Variants in TNXB observed in about 807,000 individuals in gnomAD.
TNXB encodes tenascin XB.
In TNXB, 183 loss-of-function variants were observed where a neutral mutation model predicts 340.5. The observed-to-expected ratio is 0.54, with a 90% confidence interval of 0.48 to 0.61. The LOEUF (loss-of-function observed/expected upper bound fraction) is 0.61. TNXB is among the 20% of genes least tolerant of loss of function. The pLI is 0.00. For missense variants in TNXB, 4,613 were observed against 5,446.4 expected (o/e 0.85, Z 4.82); for synonymous variants, 2,121 against 2,314.5 (o/e 0.92, Z 2.40).
chr6:32,096,217 C>G lies in TNXB; in HGVS notation c.1636G>C (p.Asp546His). The change falls in exon 3 of 44, where the codon GAC (aspartate) becomes CAC (histidine). Residue 546 changes from aspartate (D) to histidine (H), a missense_variant. Coordinates refer to ENST00000644971, the MANE Select transcript of TNXB (RefSeq NM_001365276.2). Reference sequence around the variant, plus strand: ...CAGTCTTCCCCTGAGTAGCCTGCGTCACACACGCACACGCCATCCTCGCAA... The same window carrying G: ...CAGTCTTCCCCTGAGTAGCCTGCGTGACACACGCACACGCCATCCTCGCAA... ...GLCEDGVCVC[D>H]AGYSGEDCST... 1.9e-6 allele frequency: 3 copies of G among 1,568,466 alleles called. No individual in the cohort carries two copies. Among genetic ancestry groups the G allele is most frequent in the Non-Finnish European group, 2.6e-6 (3 of 1,160,296 alleles).
In TNXB at chr6:32,065,008, C is replaced by T; in HGVS notation, c.6654G>A (p.Glu2218=). 6.2e-7 allele frequency: 1 copy of T among 1,611,878 alleles called. No homozygotes were observed. The highest frequency in any genetic ancestry group is 1.1e-5 in the South Asian group (1 of 90,876). ...DSLSLSWTVP[E]GQFDHFLVQF... The stretch of plus-strand genomic sequence containing the variant: ...GGACCAAGAAATGGTCAAACTGGCC[C>T]TCGGGGACTGTCCAGGAGAGGCTGA... Residue 2218 remains glutamate (E), a synonymous_variant, in exon 19 of 44, where the codon GAG becomes GAA. Coordinates refer to ENST00000644971, the MANE Select transcript of TNXB (RefSeq NM_001365276.2).
In TNXB at chr6:32,096,156, C is replaced by T. The variant is rs1425189838; in HGVS notation, c.1697G>A (p.Arg566His). The T allele has an allele frequency of 8.8e-6, 14 of 1,585,206 alleles. No homozygotes were observed. The highest frequency in any genetic ancestry group is 1.2e-5 in the Non-Finnish European group (14 of 1,167,882). ...TRSCPGGCRG[R>H]GQCLDGRCVC... is the part of the protein sequence containing the mutation. ...ACACCGCCCATCTAGGCACTGGCCG[C>T]GGCCTCGGCAGCCCCCGGGGCAGCT... The change falls in exon 3 of 44, where the codon CGC (arginine) becomes CAC (histidine). Residue 566 changes from arginine (R) to histidine (H), a missense_variant. Coordinates refer to ENST00000644971, the MANE Select transcript of TNXB (RefSeq NM_001365276.2).
Position 32,096,010 on chromosome 6 carries a change from CCTCA to C in TNXB, c.1839_1842del (p.Ser613ArgfsTer93). On this transcript the variant is annotated frameshift_variant, in exon 3 of 44. Coordinates refer to ENST00000644971, the MANE Select transcript of TNXB (RefSeq NM_001365276.2). LOFTEE classifies it high-confidence loss of function. Reference sequence around the variant, plus strand: ...GAGGGGCAGGTGCGGATGCTGCAGTCCTCACTCACGTAGCCTTCCCAACAGATGC... The same window carrying C: ...GAGGGGCAGGTGCGGATGCTGCAGTCCTCACGTAGCCTTCCCAACAGATGC... 3.1e-6 allele frequency: 5 copies of C among 1,613,044 alleles called. No individual in the cohort carries two copies. The highest frequency in any genetic ancestry group is 4.2e-6 in the Non-Finnish European group (5 of 1,179,796).
rs571822296 is a variant in TNXB, at chr6:32,062,987, G to A, written c.6842-504C>T. Among the ~76,000 whole-genome samples the A allele has an allele frequency of 7.2e-5, 11 of 152,020 alleles. No homozygotes were observed. Among genetic ancestry groups the A allele is most frequent in the East Asian group, 5.8e-4 (3 of 5,150 alleles). On this transcript the variant is annotated intron_variant, in intron 19 of 43. Transcript: ENST00000644971. The surrounding 1 kb of genome is among the most constrained non-coding windows in gnomAD (Gnocchi z 4.3). ...GGAGAATGGCATGAACCCAGGAGGC[G>A]GAGCTTGCGGTGAGCCAAGATCACG...
Position 32,058,402 on chromosome 6 carries a change from T to G in TNXB, c.7493-12A>C. On this transcript the variant is annotated splice_polypyrimidine_tract_variant and intron_variant, in intron 21 of 43. Transcript: ENST00000644971. The surrounding 1 kb of genome is among the most constrained non-coding windows in gnomAD (Gnocchi z 5.1). ...ATCCTCTTGTGGGGCTGAAAGGTAA[T>G]ATAGGGGGATACAGAGTTTAAGGGT... 1 of 1,579,216 alleles carries G rather than the reference T, an allele frequency of 6.3e-7. No individual in the cohort carries two copies. Among genetic ancestry groups the G allele is most frequent in the Non-Finnish European group, 8.6e-7 (1 of 1,162,510 alleles).
chr6:32,067,068 C>G lies in TNXB; in HGVS notation c.6544+593G>C, dbSNP rs995652082. Among the ~76,000 whole-genome samples, 1 of 130,138 alleles carries G rather than the reference C, an allele frequency of 7.7e-6. No homozygotes were observed. The highest frequency in any genetic ancestry group is 8.7e-5 in the Admixed American group (1 of 11,558). 85.4% of individuals were successfully genotyped at this position (130,138 alleles called of 152,430 possible). ...TCTAGCCCAGGCGACAGAGTGAGAC[C>G]TTGTCTAAAAAGAAAGAAAGAAAAG... On this transcript the variant is annotated intron_variant, in intron 18 of 43. Transcript: ENST00000644971. This position sits in a 1 kb window ranked among gnomAD's most constrained non-coding sequence, Gnocchi z 4.2.
chr6:32,093,384 G>A (rs1021120456), intron 4 of TNXB: 61 of 702,052 alleles, frequency 8.7e-5, no homozygotes, highest in Middle Eastern at 6.9e-4. Context: ...TCTTGGTTGC[G>A]CCACGAAGTT....
intron 11 of TNXB, among the ~76,000 whole-genome samples, chr6:32,077,154 G>C (rs1779124672): frequency 6.6e-6 from 1 of 152,196 alleles, no homozygotes; most frequent in African/African-American, 2.4e-5. Flanking sequence ...GGGCCTCACA[G>C]AGCCCAGTGT....
chr6:32,054,772 GA>G (rs2151899038), intron 24 of TNXB, among the ~76,000 whole-genome samples: 1 of 152,186 alleles, frequency 6.6e-6, no homozygotes, highest in East Asian at 1.9e-4. Flanking sequence ...TTCCGCCTAT[GA>G]AAGAAAAAGG....
rs1040717797 is a variant in TNXB, at chr6:32,097,748, G to A, written c.403+48C>T. On this transcript the variant is annotated intron_variant, in intron 2 of 43. Transcript: ENST00000644971. This position sits in a 1 kb window ranked among gnomAD's most constrained non-coding sequence, Gnocchi z 5.9. ...CCAAGGACCTTTATGGACTAGCAAT[G>A]CCCACCCCACCCCACCTCTCCACCC... 1 of 1,488,234 alleles carries A rather than the reference G, an allele frequency of 6.7e-7. No homozygotes were observed. The highest frequency in any genetic ancestry group is 8.9e-7 in the Non-Finnish European group (1 of 1,118,562). The allele number at this position is 1,488,234 out of a possible 1,614,324, so 92.2% of individuals were successfully genotyped here.
chr6:32,100,987 G>A (rs1280243452), intron 1 of TNXB, among the ~76,000 whole-genome samples: 4 of 144,538 alleles, frequency 2.8e-5, no homozygotes, highest in South Asian at 2.2e-4. Context: ...GGCTGAGGAG[G>A]AGAATCGCTT....
Position 32,097,878 on chromosome 6 carries a change from T to C in TNXB, c.321A>G (p.Leu107=). 2 of 1,567,598 alleles carry C rather than the reference T, an allele frequency of 1.3e-6. No individual in the cohort carries two copies. The highest frequency in any genetic ancestry group is 1.2e-5 in the South Asian group (1 of 86,480). Residue 107 remains leucine, a synonymous_variant, in exon 2 of 44, where the codon CTA becomes CTG. Transcript: ENST00000644971. The surrounding 1 kb of genome is among the most constrained non-coding windows in gnomAD (Gnocchi z 5.9). ...ASEVQALRVR[L]EILEELVKGL... is the part of the protein sequence containing the mutation. ...CCTTCACCAACTCCTCCAGGATCTC[T>C]AGACGGACCCTCAGGGCCTGTACCT...
At chr6:32,101,719 C>T (rs933888361) in intron 1 of TNXB, among the ~76,000 whole-genome samples, 1 of 151,834 alleles carries the variant, frequency 6.6e-6, no homozygotes, top group Non-Finnish European at 1.5e-5. Context: ...GGCCACCACA[C>T]CCACCCTATT....
chr6:32,067,700 C>T lies in TNXB; in HGVS notation c.6505G>A (p.Gly2169Arg), dbSNP rs757858505. ...GCAGACACTGGGCCCACGCGCCGCC[C>T]CTCGTGGAGGCCGTACAGGTGCATC... ...YKMHLYGLHEGRRVGPVSAVG... is the reference protein window; with the variant it reads ...YKMHLYGLHERRRVGPVSAVG... Residue 2169 changes from glycine to arginine, a missense_variant, in exon 18 of 44, where the codon GGG becomes AGG. This residue lies in a region of TNXB where 4,327 missense variants were observed against 4,859.4 expected (regional missense o/e 0.89). Coordinates refer to ENST00000644971, the MANE Select transcript of TNXB (RefSeq NM_001365276.2). This position sits in a 1 kb window ranked among gnomAD's most constrained non-coding sequence, Gnocchi z 4.2. 16 of 1,613,728 alleles carry T rather than the reference C, an allele frequency of 9.9e-6. No homozygotes were observed. The Admixed American group carries it at 2.7e-4, about 27-fold the overall frequency.
chr6:32,048,039 G>A (rs536709390), intron 29 of TNXB, 27 bp from the exon 30 acceptor site: 1 of 1,591,250 alleles, frequency 6.3e-7, no homozygotes, highest in African/African-American at 1.3e-5. Flanking sequence ...GGTGCATGGA[G>A]AGTGGGATGG....
Position 32,073,849 on chromosome 6 carries a change from G to A in TNXB, c.4479C>T (p.Ser1493=). The A allele has an allele frequency of 6.2e-7, 1 of 1,611,874 alleles. No individual in the cohort carries two copies. The highest frequency in any genetic ancestry group is 8.5e-7 in the Non-Finnish European group (1 of 1,179,162). The change falls in exon 12 of 44, where the codon TCC becomes TCT. Residue 1493 remains serine (S), a synonymous_variant. Transcript: ENST00000644971. This position sits in a 1 kb window ranked among gnomAD's most constrained non-coding sequence, Gnocchi z 4.6. ...CAAACTGGCCCTCGGGGACTGTCCA[G>A]GAGAGGCCCACAGAGTTGGGGGTCA... is the stretch of plus-strand genomic sequence containing the variant. The part of the protein sequence containing the change: ...TDVTPNSVGL[S]WTVPEGQFDS...
In TNXB at chr6:32,097,158, A is replaced by C; in HGVS notation, c.695T>G (p.Val232Gly). 6.3e-7 allele frequency: 1 copy of C among 1,588,924 alleles called. No homozygotes were observed. The highest frequency in any genetic ancestry group is 1.1e-5 in the South Asian group (1 of 88,480). ...CQGRGRCVQG[V>G]CVCRAGFSGP... ...TGAGAAGCCTGCCCGGCACACACAC[A>C]CGCCCTGCACGCAGCGCCCACGGCC... Residue 232 changes from valine to glycine, a missense_variant, in exon 3 of 44, where the codon GTG becomes GGG. Physicochemically the swap from Val to Gly is moderately radical, Grantham distance 109. This residue lies in a region of TNXB where 4,327 missense variants were observed against 4,859.4 expected (regional missense o/e 0.89). Coordinates refer to ENST00000644971, the MANE Select transcript of TNXB (RefSeq NM_001365276.2). The surrounding 1 kb of genome is among the most constrained non-coding windows in gnomAD (Gnocchi z 5.9).
chr6:32,088,539 T>G (rs1217419997), intron 6 of TNXB, among the ~76,000 whole-genome samples: 1 of 148,540 alleles, frequency 6.7e-6, no homozygotes, highest in African/African-American at 2.5e-5. Flanking sequence ...TATTCACTTC[T>G]CTCCCTGGGG....
rs1778863019 is a variant in TNXB, at chr6:32,072,933, AAG to A, written c.4682-637_4682-636del. Among the ~76,000 whole-genome samples the A allele has an allele frequency of 6.6e-6, 1 of 152,258 alleles. No individual in the cohort carries two copies. The highest frequency in any genetic ancestry group is 2.4e-5 in the African/African-American group (1 of 41,470). The stretch of plus-strand genomic sequence containing the variant: ...GCCATTGCACTCCAGCCTGGATGAC[AAG>A]AGCAAAACTCCATCTCAAAAATAAA... On this transcript the variant is annotated intron_variant, in intron 12 of 43. Transcript: ENST00000644971. This position sits in a 1 kb window ranked among gnomAD's most constrained non-coding sequence, Gnocchi z 4.4.
Sources: gnomAD v4.1 joint callset for allele counts (sites outside exome capture counted in the v4.1 genomes callset) on GRCh38, gnomAD v4.1.1 for gene constraint, gnomAD v4.1.1 regional missense constraint, Gnocchi (gnomAD v3.1) non-coding constraint, MANE v1.5 for transcripts, NCBI Gene and HGNC (gene_info 2026-07-23, HGNC 2026-07-21) for gene names.